Variants in CHMP3 observed in about 807,000 individuals in gnomAD.
CHMP3 encodes the protein 25.1 protein.
Under a neutral mutation model 27.4 loss-of-function variants are expected in CHMP3, and 8 were observed. The observed-to-expected ratio is 0.29, with a 90% CI of 0.17 to 0.53. The LOEUF is 0.53. CHMP3 is among the 20% of genes least tolerant of loss of function. The pLI is 0.96. For synonymous variants in CHMP3, 86 were observed against 85.5 expected (o/e 1.01, Z -0.03); for missense variants, 208 against 271.5 (o/e 0.77, Z 1.64).
chr2:86,544,287 G>A (rs1316837208), intron 1 of CHMP3, among the ~76,000 whole-genome samples: 1 of 150,742 alleles, frequency 6.6e-6, no homozygotes, highest in Non-Finnish European at 1.5e-5. Flanking sequence ...ATTTTTTTAT[G>A]ATAGCTGTCT....
chr2:86,553,172 T>A (rs1459260038), intron 1 of CHMP3, among the ~76,000 whole-genome samples: 7 of 150,388 alleles, frequency 4.7e-5, no homozygotes, highest in Admixed American at 2.0e-4. Flanking sequence ...CGGCACATCC[T>A]GCACATACAC....
intron 2 of CHMP3, among the ~76,000 whole-genome samples, chr2:86,538,523 A>G (rs1213867939): frequency 1.3e-5 from 2 of 152,200 alleles, no homozygotes; most frequent in Non-Finnish European, 2.9e-5. Context: ...AGAGAGAAAT[A>G]TATCTGGAAA....
At position 86,509,093 on chromosome 2, in the gene CHMP3, A is replaced by G. The variant is rs191705723; in HGVS notation, c.408+1265T>C. On this transcript the variant is annotated intron_variant, in intron 4 of 5. Coordinates refer to ENST00000263856, the MANE Select transcript of CHMP3 (RefSeq NM_016079.4). ...CTTGCCCTTGAGGAGCTGAGCCCCT[A>G]CTGGGGCCTTCAGAATGTACTACAC... Among the ~76,000 whole-genome samples, 145 of 152,326 alleles carry G rather than the reference A, an allele frequency of 9.5e-4. 1 individual carries two copies. Among genetic ancestry groups the G allele is most frequent in the African/African-American group, 3.4e-3 (140 of 41,564 alleles).
chr2:86,551,508 C>T (rs186001585), intron 1 of CHMP3, among the ~76,000 whole-genome samples: 31 of 152,250 alleles, frequency 2.0e-4, no homozygotes, highest in African/African-American at 5.1e-4. Context: ...CTGCCCACCT[C>T]GGCCTCCCAA....
chr2:86,546,733 C>T (rs1676623588), intron 1 of CHMP3, among the ~76,000 whole-genome samples: 1 of 152,174 alleles, frequency 6.6e-6, no homozygotes, highest in Non-Finnish European at 1.5e-5. Flanking sequence ...CCACTGCACC[C>T]AGCCGAAGTT....
chr2:86,548,177 CTCTTT>C (rs1314070449), intron 1 of CHMP3, among the ~76,000 whole-genome samples: 6 of 115,080 alleles, frequency 5.2e-5, no homozygotes, highest in African/African-American at 2.3e-4. Flanking sequence ...AGGAGGAGTT[CTCTTT>C]TTTTTTTTTT....
intron 3 of CHMP3, among the ~76,000 whole-genome samples, chr2:86,517,630 T>C (rs2104753232): frequency 6.6e-6 from 1 of 151,612 alleles, no homozygotes; most frequent in African/African-American, 2.4e-5. Context: ...GAAAATATTC[T>C]GAAAAGAATC....
At chr2:86,515,156 C>T (rs935148798) in intron 3 of CHMP3, 2 of 151,612 alleles carry the variant, frequency 1.3e-5, no homozygotes, top group Non-Finnish European at 2.9e-5. Flanking sequence ...GAGTGCCAGT[C>T]CCACTGACAG....
chr2:86,525,965 C>G (rs534732963), intron 3 of CHMP3, among the ~76,000 whole-genome samples: 1 of 152,160 alleles, frequency 6.6e-6, no homozygotes, highest in African/African-American at 2.4e-5. Flanking sequence ...TAGATAAGAT[C>G]GACTACTGGG....
intron 3 of CHMP3, chr2:86,515,287 T>C (rs1310039520): frequency 6.6e-6 from 1 of 152,212 alleles, no homozygotes; most frequent in African/African-American, 2.4e-5. Context: ...AATTTTAGTA[T>C]ATGTGCTGCC....
At chr2:86,536,832 A>G (rs1048225695) in intron 2 of CHMP3, among the ~76,000 whole-genome samples, 2 of 152,046 alleles carry the variant, frequency 1.3e-5, no homozygotes, top group African/African-American at 2.4e-5. Flanking sequence ...AGTTTCCACA[A>G]TGCATGTTGG....
chr2:86,508,563 C>A (rs1215601594), intron 4 of CHMP3, among the ~76,000 whole-genome samples: 1 of 152,116 alleles, frequency 6.6e-6, no homozygotes, highest in African/African-American at 2.4e-5. Flanking sequence ...GGTTGTCTTG[C>A]CACCTGAAAA....
At chr2:86,553,616 C>A (rs1051685244) in intron 1 of CHMP3, among the ~76,000 whole-genome samples, 2 of 152,168 alleles carry the variant, frequency 1.3e-5, no homozygotes, top group Non-Finnish European at 2.9e-5. Flanking sequence ...AGGCGTGAGC[C>A]ACCGCGCCCG....
chr2:86,536,470 G>A (rs1676146168), intron 2 of CHMP3, among the ~76,000 whole-genome samples: 1 of 151,512 alleles, frequency 6.6e-6, no homozygotes, highest in Non-Finnish European at 1.5e-5. Context: ...TTATCTGACA[G>A]TTTTGCTAGA....
chr2:86,524,448 CTG>C (rs1167330344), intron 3 of CHMP3, among the ~76,000 whole-genome samples: 1 of 152,162 alleles, frequency 6.6e-6, no homozygotes, highest in Non-Finnish European at 1.5e-5. Flanking sequence ...AAATGAAAGG[CTG>C]TGTCTGTACC....
At chr2:86,539,502 C>T (rs923386303) in intron 2 of CHMP3, among the ~76,000 whole-genome samples, 4 of 152,004 alleles carry the variant, frequency 2.6e-5, no homozygotes, top group African/African-American at 9.7e-5. Context: ...AGGAAACCTA[C>T]ATGAAAGATA....
chr2:86,560,429 A>C (rs1677304943), intron 1 of CHMP3, among the ~76,000 whole-genome samples: 1 of 152,182 alleles, frequency 6.6e-6, no homozygotes, highest in South Asian at 2.1e-4. Context: ...TGAAGCTGGA[A>C]ACCATCATTC....
At chr2:86,563,241 T>C in intron 1 of CHMP3, 63 bp downstream of exon 1, 2 of 1,586,772 alleles carry the variant, frequency 1.3e-6, no homozygotes, top group African/African-American at 1.3e-5. Flanking sequence ...GTCCTGTCAT[T>C]TACCAACTTC....
chr2:86,554,012 G>A, intron 1 of CHMP3, among the ~76,000 whole-genome samples: 1 of 152,178 alleles, frequency 6.6e-6, no homozygotes, highest in East Asian at 1.9e-4. Context: ...AGTATCAGGA[G>A]GCGGTGCCTT....
Sources: gnomAD v4.1 joint callset for allele counts (sites outside exome capture counted in the v4.1 genomes callset) on GRCh38, gnomAD v4.1.1 for gene constraint, MANE v1.5 for transcripts, NCBI Gene and HGNC (gene_info 2026-07-23, HGNC 2026-07-21) for gene names.